The following KANK1 variants were observed in gnomAD, a reference collection of about 807,000 sequenced individuals.
KANK1 encodes KN motif and ankyrin repeat domains 1.
KANK1 carries 109 observed loss-of-function variants against 106.2 expected under a neutral mutation model. The ratio of observed to expected loss-of-function variants is 1.03; its 90% CI spans 0.88 to 1.20. The LOEUF is 1.20. KANK1 is among the 50% of genes most tolerant of loss of function. The pLI is 0.00. For missense variants in KANK1, 2,399 were observed against 1,710.7 expected (o/e 1.40, Z -7.10); for synonymous variants, 873 against 652.2 (o/e 1.34, Z -5.16).
intron 1 of KANK1, among the ~76,000 whole-genome samples, chr9:506,894 G>C (rs922191703): frequency 6.6e-6 from 1 of 152,146 alleles, no homozygotes; most frequent in Non-Finnish European, 1.5e-5. Context: ...AATAACTATA[G>C]GGTGAGCAGA....
At chr9:500,063 C>G (rs1219228243), upstream of KANK1, among the ~76,000 whole-genome samples, 1 of 152,174 alleles carries the variant, frequency 6.6e-6, no homozygotes, top group African/African-American at 2.4e-5. Flanking sequence ...GGAATTTTAT[C>G]TGCTGCTTTT....
chr9:595,353 C>G lies in KANK1; in HGVS notation c.-83-81537C>G, dbSNP rs974812535. 2.0e-5 allele frequency among the ~76,000 whole-genome samples: 3 copies of G among 151,824 alleles called. 1 individual carries two copies. Among genetic ancestry groups the G allele is most frequent in the African/African-American group, 7.3e-5 (3 of 41,108 alleles). On this transcript the variant is annotated intron_variant, in intron 1 of 11. Coordinates refer to ENST00000382297, the MANE Select transcript of KANK1 (RefSeq NM_015158.5). Reference sequence around the variant, plus strand: ...AAAGTGCTCTTTCTGGTGTGAATTTCTCTTGCTGTGAAAGCACTCTGAAGG... The same window carrying G: ...AAAGTGCTCTTTCTGGTGTGAATTTGTCTTGCTGTGAAAGCACTCTGAAGG...
chr9:565,319 A>G (rs1817541214), intron 1 of KANK1, among the ~76,000 whole-genome samples: 1 of 152,198 alleles, frequency 6.6e-6, no homozygotes, highest in East Asian at 1.9e-4. Context: ...AGTCAACCCT[A>G]AAGAATGGTT....
Position 711,019 on chromosome 9 carries a change from A to C in KANK1, c.253A>C (p.Ile85Leu), listed in dbSNP as rs901740191. ...CAGGACCACATCTGGTCAGCAAGGTATATGGACTTCCACTGAATCCCTCTC... is the reference window on the plus strand; with the variant it reads ...CAGGACCACATCTGGTCAGCAAGGTCTATGGACTTCCACTGAATCCCTCTC... ...EPRTTSGQQG[I>L]WTSTESLSSS... is the part of the protein sequence containing the mutation. The change falls in exon 3 of 12, where the codon ATA becomes CTA. Residue 85 changes from isoleucine (I) to leucine (L), a missense_variant. Ile to Leu is a conservative substitution (Grantham distance 5, BLOSUM62 2). Transcript: ENST00000382297. The C allele has an allele frequency of 6.2e-7, 1 of 1,614,100 alleles. No individual in the cohort carries two copies. The highest frequency in any genetic ancestry group is 8.5e-7 in the Non-Finnish European group (1 of 1,180,046).
intron 2 of KANK1, among the ~76,000 whole-genome samples, chr9:689,695 A>G (rs938419117): frequency 2.6e-5 from 4 of 152,138 alleles, no homozygotes; most frequent in Admixed American, 2.0e-4. Context: ...ATTGCAGCTC[A>G]CAGTGTAGGT....
In KANK1 at chr9:525,787, G is replaced by A. The variant is rs1380478417; in HGVS notation, c.-84+21033G>A. On this transcript the variant is annotated intron_variant, in intron 1 of 11. Transcript: ENST00000382297. ...ATAGGAGAATAAGCAGCAAAGGTTGGGCTGGTTTCCCTGCTCCCCTGGCTG... is the reference window on the plus strand; with the variant it reads ...ATAGGAGAATAAGCAGCAAAGGTTGAGCTGGTTTCCCTGCTCCCCTGGCTG... Among the ~76,000 whole-genome samples, 7 of 151,686 alleles carry A rather than the reference G, an allele frequency of 4.6e-5. No homozygotes were observed. The East Asian group carries it at 5.8e-4, about 13-fold the overall frequency.
Position 598,704 on chromosome 9 carries a change from C to T in KANK1, c.-83-78186C>T, listed in dbSNP as rs1284479409. 6.2e-5 allele frequency among the ~76,000 whole-genome samples: 8 copies of T among 128,872 alleles called. 1 individual carries two copies. Among genetic ancestry groups the T allele is most frequent in the African/African-American group, 2.4e-4 (7 of 29,582 alleles). The allele number at this position is 128,872 out of a possible 152,430, so 84.5% of individuals were successfully genotyped here. A position where few individuals can be genotyped will look rare whatever the true frequency, so the allele number is the denominator to read the frequency against. Reference sequence around the variant, plus strand: ...GGAGTGCGGTGGCACGACCTCGGCTCACTGCAACCTCCTCCTCCTGGGTTC... The same window carrying T: ...GGAGTGCGGTGGCACGACCTCGGCTTACTGCAACCTCCTCCTCCTGGGTTC... On this transcript the variant is annotated intron_variant, in intron 1 of 11. Coordinates refer to ENST00000382297, the MANE Select transcript of KANK1 (RefSeq NM_015158.5).
intron 2 of KANK1, among the ~76,000 whole-genome samples, chr9:690,577 A>G (rs1051098738): frequency 5.9e-5 from 9 of 151,942 alleles, no homozygotes; most frequent in African/African-American, 2.2e-4. Flanking sequence ...GTGGGGAAAG[A>G]TGAGGGCAGG....
At chr9:631,770 C>A (rs1167051332) in intron 1 of KANK1, among the ~76,000 whole-genome samples, 1 of 152,222 alleles carries the variant, frequency 6.6e-6, no homozygotes, top group Non-Finnish European at 1.5e-5. Flanking sequence ...GTGGTCTCTT[C>A]TTCCCTTTGC....
rs1329727577 is a variant in KANK1, at chr9:494,726, A to G, written c.-362+21453A>G. ...AAGAAGCCTTCTCAGAAGTGGATCT[A>G]TACTGGCTGTATAGCATCCTGCCCC... On this transcript the variant is annotated intron_variant, in intron 3 of 15. Coordinates refer to the KANK1 transcript ENST00000382303. Among the ~76,000 whole-genome samples, 5 of 152,314 alleles carry G rather than the reference A, an allele frequency of 3.3e-5. No homozygotes were observed. In the East Asian group the frequency reaches 9.7e-4, roughly 29 times the overall value.
intron 1 of KANK1, among the ~76,000 whole-genome samples, chr9:618,173 T>C (rs945717493): frequency 1.3e-5 from 2 of 152,146 alleles, no homozygotes; most frequent in African/African-American, 2.4e-5. Context: ...ATGGCATTCA[T>C]TGAAGAAAAT....
intron 1 of KANK1, among the ~76,000 whole-genome samples, chr9:639,609 G>A (rs113445774): frequency 8.9e-4 from 135 of 152,230 alleles, no homozygotes; most frequent in African/African-American, 3.0e-3. Context: ...GAGCCACTGC[G>A]CCTGGCCTGA....
intron 1 of KANK1, among the ~76,000 whole-genome samples, chr9:622,512 C>A (rs80316834): frequency 6.6e-6 from 1 of 152,042 alleles, no homozygotes. Context: ...ACAGTCTCTT[C>A]GAAGAATACT....
At chr9:609,486 G>A (rs1367003265) in intron 1 of KANK1, among the ~76,000 whole-genome samples, 1 of 152,096 alleles carries the variant, frequency 6.6e-6, no homozygotes, top group African/African-American at 2.4e-5. Flanking sequence ...AAAATTAGCT[G>A]GGTGTGGTGG....
chr9:538,797 CAT>C (rs1426707412), intron 1 of KANK1, among the ~76,000 whole-genome samples: 1 of 152,204 alleles, frequency 6.6e-6, no homozygotes, highest in Non-Finnish European at 1.5e-5. Flanking sequence ...TAAGGGACAA[CAT>C]ATTTGTTACA....
At chr9:501,766 C>G (rs771980525), upstream of KANK1, among the ~76,000 whole-genome samples, 1 of 152,142 alleles carries the variant, frequency 6.6e-6, no homozygotes, top group Non-Finnish European at 1.5e-5. Flanking sequence ...CCAGGCTGGT[C>G]TCAATCCAAT....
chr9:664,234 C>G (rs1403624330), intron 1 of KANK1, among the ~76,000 whole-genome samples: 1 of 152,110 alleles, frequency 6.6e-6, no homozygotes, highest in Non-Finnish European at 1.5e-5. Flanking sequence ...CCCCACTACC[C>G]TTCCCAGCCT....
At chr9:552,669 G>A (rs947233619) in intron 1 of KANK1, among the ~76,000 whole-genome samples, 1 of 152,110 alleles carries the variant, frequency 6.6e-6, no homozygotes, top group African/African-American at 2.4e-5. Context: ...TCACATTCTT[G>A]ACTAATCTGC....
At chr9:729,283 C>T (rs1361686023) in intron 3 of KANK1, among the ~76,000 whole-genome samples, 1 of 152,130 alleles carries the variant, frequency 6.6e-6, no homozygotes, top group Non-Finnish European at 1.5e-5. Context: ...TCATACAAGT[C>T]ATCTTGTACA....
Sources: gnomAD v4.1 joint callset for allele counts (sites outside exome capture counted in the v4.1 genomes callset) on GRCh38, gnomAD v4.1.1 for gene constraint, MANE v1.5 for transcripts, NCBI Gene and HGNC (gene_info 2026-07-23, HGNC 2026-07-21) for gene names.